Variants in DGKI observed in about 807,000 individuals in gnomAD.
The protein encoded by DGKI is DAG kinase iota.
In DGKI, 55 loss-of-function variants were observed where a neutral mutation model predicts 147.5. The ratio of observed to expected loss-of-function variants is 0.37; its 90% CI spans 0.30 to 0.47. The LOEUF (loss-of-function observed/expected upper bound fraction) is 0.47. DGKI is among the 20% of genes least tolerant of loss of function. DGKI has a pLI of 1.00. For synonymous variants in DGKI, 469 were observed against 477.1 expected (o/e 0.98, Z 0.22); for missense variants, 1,007 against 1,323.8 (o/e 0.76, Z 3.71).
chr7:137,480,612 T>C (rs114149833), intron 23 of DGKI, among the ~76,000 whole-genome samples: 139 of 152,056 alleles, frequency 9.1e-4, no homozygotes, highest in Middle Eastern at 3.4e-3. Flanking sequence ...TTTTTTCTTA[T>C]GAAAGTGAAA....
chr7:137,700,197 C>A (rs562720961), intron 1 of DGKI, among the ~76,000 whole-genome samples: 1 of 152,180 alleles, frequency 6.6e-6, no homozygotes, highest in South Asian at 2.1e-4. Context: ...AGGTGAAGGT[C>A]CTGGAAGGAA....
chr7:137,598,777 A>G (rs1819885504), intron 11 of DGKI, among the ~76,000 whole-genome samples: 1 of 152,208 alleles, frequency 6.6e-6, no homozygotes, highest in Non-Finnish European at 1.5e-5. Flanking sequence ...AAGTGATAAA[A>G]TCTTAAGAAA....
chr7:137,445,488 T>A (rs1040666031), intron 27 of DGKI, among the ~76,000 whole-genome samples: 1 of 152,130 alleles, frequency 6.6e-6, no homozygotes, highest in Non-Finnish European at 1.5e-5. Flanking sequence ...CTGGGTAGGG[T>A]TGATTTATCC....
intron 2 of DGKI, among the ~76,000 whole-genome samples, chr7:137,685,783 C>T (rs896418596): frequency 9.2e-5 from 14 of 152,082 alleles, no homozygotes; most frequent in South Asian, 2.1e-4. Context: ...GTACTGTGTG[C>T]GCCTTAAAAT....
intron 2 of DGKI, among the ~76,000 whole-genome samples, chr7:137,682,036 G>A (rs1823256022): frequency 6.6e-6 from 1 of 152,206 alleles, no homozygotes; most frequent in African/African-American, 2.4e-5. Context: ...AAGTTAGCTA[G>A]TGAACCATGA....
Position 137,727,483 on chromosome 7 carries a change from G to A in DGKI, c.402-37481C>T, listed in dbSNP as rs146988944. The stretch of plus-strand genomic sequence containing the variant: ...TTTATCACCCATCGTCAAGAACAGA[G>A]AACATTCTGATCAAATGCAAAAGAG... On this transcript the variant is annotated intron_variant, in intron 1 of 32. Coordinates refer to ENST00000614521, the MANE Select transcript of DGKI (RefSeq NM_001321708.2). Among the ~76,000 whole-genome samples the A allele has an allele frequency of 6.5e-4, 99 of 152,166 alleles. 3 individuals carry two copies. The highest frequency in any genetic ancestry group is 3.4e-3 in the Middle Eastern group (1 of 294).
chr7:137,708,890 C>A (rs558425247), intron 1 of DGKI, among the ~76,000 whole-genome samples: 4 of 152,100 alleles, frequency 2.6e-5, no homozygotes, highest in Admixed American at 2.6e-4. Flanking sequence ...CATGAAGATG[C>A]AATTCAGTAA....
chr7:137,505,711 C>CAA (rs34646057), intron 21 of DGKI, among the ~76,000 whole-genome samples: 4,771 of 61,580 alleles, frequency 0.077, 108 homozygotes, highest in Non-Finnish European at 0.097. Flanking sequence ...ATAAGAGATG[C>CAA]AAAAAAAAAA....
At chr7:137,518,294 A>C (rs1563064713) in intron 21 of DGKI, among the ~76,000 whole-genome samples, 1 of 152,128 alleles carries the variant, frequency 6.6e-6, no homozygotes, top group Non-Finnish European at 1.5e-5. Context: ...ATCATCAGAG[A>C]AATTAAATGA....
intron 27 of DGKI, chr7:137,452,799 G>C (rs1013447051): frequency 1.3e-5 from 2 of 152,134 alleles, no homozygotes; most frequent in African/African-American, 4.8e-5. Context: ...GAGTTTCCTG[G>C]ACTTTCTCAT....
At chr7:137,592,199 G>T (rs961495374) in intron 12 of DGKI, among the ~76,000 whole-genome samples, 1 of 152,062 alleles carries the variant, frequency 6.6e-6, no homozygotes, top group African/African-American at 2.4e-5. Context: ...ACTCTGCCAC[G>T]GCTTTCGTAT....
chr7:137,506,990 G>C (rs1046448764), intron 21 of DGKI, among the ~76,000 whole-genome samples: 3 of 152,118 alleles, frequency 2.0e-5, no homozygotes, highest in African/African-American at 7.2e-5. Flanking sequence ...TGGCTGATAA[G>C]AATTAGATAG....
chr7:137,677,831 G>C (rs1260296639), intron 3 of DGKI, among the ~76,000 whole-genome samples: 1 of 152,058 alleles, frequency 6.6e-6, no homozygotes, highest in African/African-American at 2.4e-5. Context: ...TCCCATTACT[G>C]TCTGTTTGGA....
At chr7:137,625,783 C>T (rs1262598084) in intron 6 of DGKI, among the ~76,000 whole-genome samples, 4 of 151,298 alleles carry the variant, frequency 2.6e-5, no homozygotes, top group Non-Finnish European at 5.9e-5. Context: ...ACTTTTTGCA[C>T]CAATGTACAT....
At chr7:137,558,923 A>C (rs1818316895) in intron 19 of DGKI, among the ~76,000 whole-genome samples, 1 of 122,866 alleles carries the variant, frequency 8.1e-6, no homozygotes, top group African/African-American at 3.4e-5. Flanking sequence ...GGTGGTATTA[A>C]TTATTGTCCA....
chr7:137,691,618 T>C (rs1039494978), intron 1 of DGKI, among the ~76,000 whole-genome samples: 2 of 152,124 alleles, frequency 1.3e-5, no homozygotes, highest in Non-Finnish European at 2.9e-5. Flanking sequence ...AATCTTTTCA[T>C]CCTGCTCAGC....
intron 21 of DGKI, among the ~76,000 whole-genome samples, chr7:137,489,312 T>C (rs187259048): frequency 1.1e-4 from 17 of 152,332 alleles, no homozygotes; most frequent in Admixed American, 1.0e-3. Context: ...GCAAGTCACC[T>C]GTCCAGGGTA....
chr7:137,427,462 T>C (rs1319307896), intron 28 of DGKI, among the ~76,000 whole-genome samples: 7 of 151,862 alleles, frequency 4.6e-5, no homozygotes, highest in African/African-American at 1.2e-4. Context: ...AGATCCAAAA[T>C]TGACACCCTA....
Position 137,689,954 on chromosome 7 carries a change from G to A in DGKI, c.450C>T (p.Pro150=), listed in dbSNP as rs1460899124. Residue 150 remains proline (P), a synonymous_variant, in exon 2 of 33, where the codon CCC becomes CCT. Transcript: ENST00000614521. ...GACCATTTGCCACAGGAAGGCTGAGGGGATGTGCAGGAGCCAGATGCTGGA... is the reference window on the plus strand; with the variant it reads ...GACCATTTGCCACAGGAAGGCTGAGAGGATGTGCAGGAGCCAGATGCTGGA... ...AGLQHLAPAH[P]LSLPVANGPA... The A allele has an allele frequency of 6.2e-7, 1 of 1,609,966 alleles. No individual in the cohort carries two copies. The highest frequency in any genetic ancestry group is 1.1e-5 in the South Asian group (1 of 90,430).
Sources: gnomAD v4.1 joint callset for allele counts (sites outside exome capture counted in the v4.1 genomes callset) on GRCh38, gnomAD v4.1.1 for gene constraint, MANE v1.5 for transcripts, NCBI Gene and HGNC (gene_info 2026-07-23, HGNC 2026-07-21) for gene names.